The following CDH19 variants were observed in gnomAD, a reference collection of about 807,000 sequenced individuals.
CDH19 encodes the protein cadherin-19.
In CDH19, 67 loss-of-function variants were observed where a neutral mutation model predicts 64.2. The observed-to-expected ratio is 1.04, with a 90% CI of 0.86 to 1.28. The LOEUF is 1.28. Among genes scored for constraint, CDH19 ranks in the 50% most tolerant of loss-of-function variants. The probability of loss-of-function intolerance (pLI) is 0.00; values close to 1 mark genes in which losing one functional copy is unlikely to be tolerated. For missense variants in CDH19, 1,030 were observed against 929.0 expected, an observed-to-expected ratio of 1.11 and a Z score of -1.41; for synonymous variants, 346 against 319.3, an observed-to-expected ratio of 1.08 and a Z score of -0.89.
chr18:66,590,293 C>G (rs1307211985), intron 1 of CDH19, among the ~76,000 whole-genome samples: 1 of 151,810 alleles, frequency 6.6e-6, no homozygotes, highest in Non-Finnish European at 1.5e-5. Flanking sequence ...GATTACTATG[C>G]AAAGATAATG....
At chr18:66,583,056 T>C (rs938178479) in intron 1 of CDH19, among the ~76,000 whole-genome samples, 34 of 152,064 alleles carry the variant, frequency 2.2e-4, no homozygotes, top group Admixed American at 4.6e-4. Context: ...AAGGGTAAAT[T>C]TTTGTATGCT....
chr18:66,507,521 G>A (rs1985259875), intron 11 of CDH19, among the ~76,000 whole-genome samples: 1 of 151,844 alleles, frequency 6.6e-6, no homozygotes, highest in Admixed American at 6.6e-5. Context: ...AAAAGGTTAT[G>A]CTAGATGAAT....
At chr18:66,570,809 T>C (rs1988077534) in intron 2 of CDH19, among the ~76,000 whole-genome samples, 1 of 151,356 alleles carries the variant, frequency 6.6e-6, no homozygotes, top group African/African-American at 2.4e-5. Context: ...AACTAGAAAA[T>C]GTGACAGCCC....
chr18:66,535,155 A>G, intron 7 of CDH19, 48 bp from the exon 8 acceptor site: 1 of 1,218,934 alleles, frequency 8.2e-7, no homozygotes, highest in Non-Finnish European at 1.1e-6. Context: ...CTATCTGCAT[A>G]ACAGTGTTAG....
At chr18:66,575,313 A>C (rs1988234555) in intron 1 of CDH19, among the ~76,000 whole-genome samples, 1 of 151,852 alleles carries the variant, frequency 6.6e-6, no homozygotes, top group Non-Finnish European at 1.5e-5. Flanking sequence ...CACCCACTTT[A>C]CTCAATAAGG....
intron 6 of CDH19, among the ~76,000 whole-genome samples, chr18:66,544,426 A>C (rs1987022206): frequency 6.6e-6 from 1 of 152,196 alleles, no homozygotes; most frequent in East Asian, 1.9e-4. Context: ...TTTAATTTGG[A>C]GATAAAGTTA....
At position 66,505,305 on chromosome 18, in the gene CDH19, G is replaced by A. The variant is rs766725265; in HGVS notation, c.1829-3C>T. On this transcript the variant is annotated splice_region_variant and splice_polypyrimidine_tract_variant and intron_variant, in intron 11 of 11. Coordinates refer to ENST00000262150, the MANE Select transcript of CDH19 (RefSeq NM_021153.4). Reference sequence around the variant, plus strand: ...ACCCAAAGTCAAAAAAATAAACCCTGATGAAGAAAGCACATCAGAATATCA... The same window carrying A: ...ACCCAAAGTCAAAAAAATAAACCCTAATGAAGAAAGCACATCAGAATATCA... 2 of 1,538,730 alleles carry A rather than the reference G, an allele frequency of 1.3e-6. No homozygotes were observed. The highest frequency in any genetic ancestry group is 1.7e-6 in the Non-Finnish European group (2 of 1,148,722).
At chr18:66,556,200 G>A (rs1038231711) in intron 3 of CDH19, among the ~76,000 whole-genome samples, 2 of 151,518 alleles carry the variant, frequency 1.3e-5, no homozygotes, top group Admixed American at 6.6e-5. Flanking sequence ...TATGCATATA[G>A]ATAGTAACAT....
intron 3 of CDH19, among the ~76,000 whole-genome samples, chr18:66,564,532 G>A (rs1251472834): frequency 1.3e-5 from 2 of 151,842 alleles, no homozygotes; most frequent in East Asian, 3.9e-4. Flanking sequence ...CAAAGAGAGT[G>A]GATAGTCTTT....
intron 7 of CDH19, among the ~76,000 whole-genome samples, chr18:66,536,103 C>T (rs901743248): frequency 6.7e-6 from 1 of 150,248 alleles, no homozygotes; most frequent in East Asian, 1.9e-4. Context: ...CATGTCTCAT[C>T]TATGTGGAAA....
chr18:66,514,622 A>G (rs1236208352), intron 9 of CDH19, among the ~76,000 whole-genome samples: 1 of 151,618 alleles, frequency 6.6e-6, no homozygotes, highest in Non-Finnish European at 1.5e-5. Context: ...TGGAAGTTTC[A>G]TAAGTTCCAA....
In CDH19 at chr18:66,544,805, C is replaced by T; in HGVS notation, c.874G>A (p.Asp292Asn). Residue 292 changes from aspartate to asparagine, a missense_variant, in exon 6 of 12, where the codon GAT (aspartate) becomes AAT (asparagine). Transcript: ENST00000262150. Reference sequence around the variant, plus strand: ...GAATCATCCTCTTCAATGCTGTAATCCATTTCTGCATTCTCTCCTATGTCA... The same window carrying T: ...GAATCATCCTCTTCAATGCTGTAATTCATTTCTGCATTCTCTCCTATGTCA... ...DNDIGENAEM[D>N]YSIEEDDSQT... 6.2e-7 allele frequency: 1 copy of T among 1,609,932 alleles called. No individual in the cohort carries two copies. The highest frequency in any genetic ancestry group is 8.5e-7 in the Non-Finnish European group (1 of 1,176,312).
chr18:66,516,520 G>T (rs947837251), intron 9 of CDH19, among the ~76,000 whole-genome samples: 1 of 151,910 alleles, frequency 6.6e-6, no homozygotes, highest in Non-Finnish European at 1.5e-5. Context: ...TTGCCTAAGG[G>T]TATGCTGAGC....
intron 5 of CDH19, among the ~76,000 whole-genome samples, chr18:66,548,099 T>A (rs1987199890): frequency 6.8e-6 from 1 of 146,988 alleles, no homozygotes; most frequent in African/African-American, 2.5e-5. Flanking sequence ...ATTATATATT[T>A]GTTATATATT....
intron 10 of CDH19, among the ~76,000 whole-genome samples, chr18:66,509,679 A>G (rs1322701772): frequency 6.6e-6 from 1 of 151,724 alleles, no homozygotes; most frequent in Non-Finnish European, 1.5e-5. Context: ...AAGCTGATTG[A>G]GCTGGCTTTA....
Position 66,504,740 on chromosome 18 carries a change from C to A in CDH19, c.*72G>T, listed in dbSNP as rs1322805722. On this transcript the variant is annotated 3_prime_UTR_variant, in exon 12 of 12. Transcript: ENST00000262150. Reference sequence around the variant, plus strand: ...CTTTCCCCGCCATAGAGCCAGGGCACAAAACTCTTTAAGACTACCATTGGG... The same window carrying A: ...CTTTCCCCGCCATAGAGCCAGGGCAAAAAACTCTTTAAGACTACCATTGGG... 1 of 1,480,716 alleles carries A rather than the reference C, an allele frequency of 6.8e-7. No homozygotes were observed. The highest frequency in any genetic ancestry group is 9.1e-7 in the Non-Finnish European group (1 of 1,103,330). 91.7% of individuals were successfully genotyped at this position (1,480,716 alleles called of 1,614,324 possible). A position where few individuals can be genotyped will look rare whatever the true frequency, so the allele number is the denominator to read the frequency against.
intron 10 of CDH19, 66 bp from the exon 11 acceptor site, chr18:66,509,312 C>T: frequency 2.2e-6 from 3 of 1,377,730 alleles, no homozygotes; most frequent in South Asian, 2.5e-5. Flanking sequence ...GTAATAGTCA[C>T]ATGTGCTAGG....
rs1342386911 is a variant in CDH19 at position 66,523,915 on chromosome 18, G to A, written c.1458+5930C>T. Among the ~76,000 whole-genome samples, 464 of 150,060 alleles carry A rather than the reference G, an allele frequency of 3.1e-3. 1 individual carries two copies. The highest frequency in any genetic ancestry group is 9.2e-3 in the African/African-American group (373 of 40,648). On this transcript the variant is annotated intron_variant, in intron 9 of 11. Transcript: ENST00000262150. ...GAAAAGCTCTCCGGGGGTGGGGGCG[G>A]GGGGGTTGGGGGGCGTAATTCCTGT...
Position 66,535,082 on chromosome 18 carries a change from A to C in CDH19, c.1240T>G (p.Phe414Val). ...IRYSITRSKVFNINDNGTITT... is the reference protein window; with the variant it reads ...IRYSITRSKVVNINDNGTITT... ...ATTGTACCATTATCATTGATATTGA[A>C]CACTTTGCTCCTAGTAATAGAATAC... is the stretch of plus-strand genomic sequence containing the variant. Residue 414 changes from phenylalanine to valine, a missense_variant, in exon 8 of 12, where the codon TTC becomes GTC. Physicochemically the swap from Phe to Val is conservative, Grantham distance 50 (BLOSUM62 -1). Coordinates refer to ENST00000262150, the MANE Select transcript of CDH19 (RefSeq NM_021153.4). 6.7e-7 allele frequency: 1 copy of C among 1,500,984 alleles called. No individual in the cohort carries two copies. Among genetic ancestry groups the C allele is most frequent in the Non-Finnish European group, 9.0e-7 (1 of 1,105,284 alleles). The allele number at this position is 1,500,984 out of a possible 1,614,324, so 93.0% of individuals were successfully genotyped here.
Sources: allele counts gnomAD v4.1 joint callset (sites outside exome capture counted in the v4.1 genomes callset), GRCh38; gene constraint gnomAD v4.1.1; transcripts MANE v1.5; gene names NCBI Gene and HGNC (gene_info 2026-07-23, HGNC 2026-07-21).